MED16: variants seen among roughly 807,000 people sequenced by gnomAD.
MED16 encodes mediator of RNA polymerase II transcription subunit 16.
A neutral mutation model predicts 84.4 loss-of-function variants in MED16; 81 were observed. The ratio of observed to expected loss-of-function variants is 0.96; its 90% CI spans 0.80 to 1.15. The LOEUF is 1.15. Ranked by LOEUF, MED16 falls within the 50% of genes most tolerant of loss-of-function variation. The pLI, the probability that MED16 is intolerant of heterozygous loss-of-function variation, is 0.00. For missense variants in MED16, 1,585 were observed against 1,245.9 expected (o/e 1.27, Z -4.10); for synonymous variants, 897 against 552.2 (o/e 1.62, Z -8.76).
intron 13 of MED16, among the ~76,000 whole-genome samples, chr19:870,583 A>AT (rs2036023349): frequency 7.2e-6 from 1 of 138,844 alleles, no homozygotes; most frequent in Non-Finnish European, 1.6e-5. Context: ...AAAAAAAAAA[A>AT]GGGAGAGGGT....
intron 13 of MED16, 132 bp from the exon 14 acceptor site, chr19:869,078 CTG>C (rs932957138): frequency 2.2e-5 from 17 of 777,952 alleles, no homozygotes; most frequent in Middle Eastern, 3.7e-4. Context: ...GCCCAGATGT[CTG>C]TGAACAGTGA....
rs371104390 is a variant in MED16, at chr19:875,488, C to T, written c.1561-34G>A. 206 of 1,554,906 alleles carry T rather than the reference C, an allele frequency of 1.3e-4. 1 individual carries two copies. The African/African-American group carries it at 1.8e-3, about 14-fold the overall frequency. On this transcript the variant is annotated intron_variant, in intron 9 of 15. Coordinates refer to ENST00000325464, the MANE Select transcript of MED16 (RefSeq NM_005481.3). ...AGGAAGCCAGGTCACCCCAAGGGGC[C>T]GGAGCAGAGGCGCCCGCCAAGGCTC...
chr19:886,703 T>A (rs946467664), intron 4 of MED16, among the ~76,000 whole-genome samples: 2 of 152,272 alleles, frequency 1.3e-5, no homozygotes, highest in Admixed American at 6.5e-5. Context: ...GCGGGCACTA[T>A]TTGATTTCAA....
intron 11 of MED16, among the ~76,000 whole-genome samples, chr19:872,594 T>C (rs182069989): frequency 0.01 from 1,321 of 130,598 alleles, 10 homozygotes; most frequent in Admixed American, 0.021. Context: ...CAGGGCAGGA[T>C]GAAGCCGGGT....
At position 877,088 on chromosome 19, in the gene MED16, C is replaced by T; in HGVS notation, c.1446G>A (p.Met482Ile). 5 of 1,612,688 alleles carry T rather than the reference C, an allele frequency of 3.1e-6. No homozygotes were observed. Among genetic ancestry groups the T allele is most frequent in the Non-Finnish European group, 4.2e-6 (5 of 1,179,908 alleles). ...RHLLFLLEYC[M>I]VTGYDWWDIL... ...TGTCCCACCAGTCGTAGCCGGTCAC[C>T]ATGCAGTACTCCAGCAGGAAGAGCA... is the stretch of plus-strand genomic sequence containing the variant. The change falls in exon 9 of 16, where the codon ATG becomes ATA. Residue 482 changes from methionine to isoleucine, a missense_variant. Coordinates refer to ENST00000325464, the MANE Select transcript of MED16 (RefSeq NM_005481.3).
intron 13 of MED16, among the ~76,000 whole-genome samples, chr19:870,265 G>A (rs1037354561): frequency 1.3e-5 from 2 of 152,130 alleles, no homozygotes; most frequent in African/African-American, 4.8e-5. Flanking sequence ...ACACAATCAG[G>A]AAACACCAAG....
chr19:889,502 C>T (rs1222217856), intron 4 of MED16, 136 bp downstream of exon 4: 9 of 959,374 alleles, frequency 9.4e-6, no homozygotes, highest in Non-Finnish European at 1.1e-5. Flanking sequence ...TAATGACAGC[C>T]GGACTGCAGG....
At chr19:885,135 C>G (rs1038894627) in intron 5 of MED16, 127 bp from the exon 6 acceptor site, 5 of 674,786 alleles carry the variant, frequency 7.4e-6, no homozygotes, top group African/African-American at 1.8e-5. Flanking sequence ...ACGCCTGCCC[C>G]TCGGGCCCTC....
rs976239448 is a variant in MED16 at position 877,103 on chromosome 19, C to G, written c.1431G>C (p.Leu477=). Residue 477 remains leucine (L), a synonymous_variant, in exon 9 of 16, where the codon CTG becomes CTC. Coordinates refer to ENST00000325464, the MANE Select transcript of MED16 (RefSeq NM_005481.3). ...VGLALRHLLF[L]LEYCMVTGYD... ...AGCCGGTCACCATGCAGTACTCCAGCAGGAAGAGCAGGTGCCGCAGCGCCA... is the reference window on the plus strand; with the variant it reads ...AGCCGGTCACCATGCAGTACTCCAGGAGGAAGAGCAGGTGCCGCAGCGCCA... 2.5e-6 allele frequency: 4 copies of G among 1,612,544 alleles called. No individual in the cohort carries two copies. The African/African-American group carries it at 5.3e-5, about 22-fold the overall frequency.
In MED16 at chr19:875,481, A is replaced by C. The variant is rs2036209147; in HGVS notation, c.1561-27T>G. ...TGAGGGCAGGAAGCCAGGTCACCCC[A>C]AGGGGCCGGAGCAGAGGCGCCCGCC... On this transcript the variant is annotated intron_variant, in intron 9 of 15. Coordinates refer to ENST00000325464, the MANE Select transcript of MED16 (RefSeq NM_005481.3). 2.5e-6 allele frequency: 4 copies of C among 1,575,886 alleles called. No homozygotes were observed. In the East Asian group the frequency reaches 9.1e-5, roughly 36 times the overall value.
chr19:879,889 G>C lies in MED16; in HGVS notation c.1353+48C>G, dbSNP rs534265801. On this transcript the variant is annotated intron_variant, in intron 8 of 15. Coordinates refer to ENST00000325464, the MANE Select transcript of MED16 (RefSeq NM_005481.3). Reference sequence around the variant, plus strand: ...AATGCCCAGCAGCTCGCCTTCCCCTGGTTGTCAATGCCCACCAGCCCCGGC... The same window carrying C: ...AATGCCCAGCAGCTCGCCTTCCCCTCGTTGTCAATGCCCACCAGCCCCGGC... The C allele has an allele frequency of 3.0e-6, 4 of 1,334,378 alleles. 1 individual carries two copies. Among genetic ancestry groups the C allele is most frequent in the African/African-American group, 4.6e-5 (2 of 43,270 alleles). The allele number at this position is 1,334,378 out of a possible 1,614,324, so 82.7% of individuals were successfully genotyped here.
At chr19:874,562 C>T (rs569008857) in intron 10 of MED16, among the ~76,000 whole-genome samples, 8 of 152,222 alleles carry the variant, frequency 5.3e-5, no homozygotes, top group South Asian at 4.2e-4. Context: ...TACGGCAAAA[C>T]GGAAGGAGGA....
At chr19:869,810 T>G (rs185557315) in intron 13 of MED16, among the ~76,000 whole-genome samples, 4 of 152,226 alleles carry the variant, frequency 2.6e-5, no homozygotes, top group Non-Finnish European at 5.9e-5. Context: ...AGGGTTTGCA[T>G]GTGCTCCTTG....
chr19:870,695 T>C (rs186905378), intron 13 of MED16, among the ~76,000 whole-genome samples: 53 of 148,250 alleles, frequency 3.6e-4, no homozygotes, highest in Admixed American at 8.7e-4. Context: ...GCAGCAGTCA[T>C]GGCCATGACT....
At chr19:877,913 TGCCC>T (rs2036295819) in intron 8 of MED16, among the ~76,000 whole-genome samples, 2 of 119,076 alleles carry the variant, frequency 1.7e-5, no homozygotes, top group South Asian at 3.1e-4. Context: ...CAGCCCCACG[TGCCC>T]CAGCAGCTCA....
chr19:872,441 C>T (rs374208942), intron 11 of MED16, among the ~76,000 whole-genome samples: 1 of 152,052 alleles, frequency 6.6e-6, no homozygotes, highest in African/African-American at 2.4e-5. Flanking sequence ...GCTGCGGGCC[C>T]GGGCCCCTGG....
At chr19:889,580 T>C in intron 4 of MED16, 58 bp downstream of exon 4, 1 of 1,522,556 alleles carries the variant, frequency 6.6e-7, no homozygotes, top group South Asian at 1.3e-5. Context: ...GGCTGGCGGG[T>C]GGCTGGGTAG....
At position 875,447 on chromosome 19, in the gene MED16, G is replaced by C; in HGVS notation, c.1568C>G (p.Ser523Cys). 1.2e-6 allele frequency: 2 copies of C among 1,600,242 alleles called. No individual in the cohort carries two copies. The highest frequency in any genetic ancestry group is 1.7e-6 in the Non-Finnish European group (2 of 1,179,246). ...RQTAALQQVL[S>C]TRILAMKASL... ...GGCCTTCATGGCCAGGATCCGGGTG[G>C]AGAGGACCTGAGGGCAGGAAGCCAG... is the stretch of plus-strand genomic sequence containing the variant. Residue 523 changes from serine to cysteine, a missense_variant, in exon 10 of 16, where the codon TCC becomes TGC. Physicochemically the swap from Ser to Cys is moderately radical, Grantham distance 112 (BLOSUM62 -1). Transcript: ENST00000325464.
Position 873,499 on chromosome 19 carries a change from G to A in MED16, c.1855C>T (p.Gln619Ter), listed in dbSNP as rs930498226. Reference protein sequence around the residue: ...NTLQALQQLLQWVGDFVLYLL... With the variant: ...NTLQALQQLL ...TACAGCACGAAGTCGCCCACCCACT[G>A]CAAGAGCTGCTGCAGCGCCTGCAGT... The change falls in exon 11 of 16, where the codon CAG (glutamine) becomes TAG (stop). Residue 619 changes from glutamine to a stop codon, truncating the protein, a stop_gained. Transcript: ENST00000325464. LOFTEE classifies it high-confidence loss of function. 6.2e-7 allele frequency: 1 copy of A among 1,611,920 alleles called. No homozygotes were observed. Among genetic ancestry groups the A allele is most frequent in the Non-Finnish European group, 8.5e-7 (1 of 1,179,716 alleles).
Sources: allele counts gnomAD v4.1 joint callset (sites outside exome capture counted in the v4.1 genomes callset), GRCh38; gene constraint gnomAD v4.1.1; transcripts MANE v1.5; gene names NCBI Gene and HGNC (gene_info 2026-07-23, HGNC 2026-07-21).